ZRANB3: variants seen among roughly 807,000 people sequenced by gnomAD.
ZRANB3 encodes DNA annealing helicase and endonuclease ZRANB3.
Under a neutral mutation model 133.8 loss-of-function variants are expected in ZRANB3, and 125 were observed. The ratio of observed to expected loss-of-function variants is 0.93; its 90% CI spans 0.81 to 1.08. The LOEUF (loss-of-function observed/expected upper bound fraction) is 1.08. Ranked by LOEUF, ZRANB3 falls within the 50% of genes least tolerant of loss-of-function variation. The pLI, the probability that ZRANB3 is intolerant of heterozygous loss-of-function variation, is 0.00. For missense variants in ZRANB3, 1,229 were observed against 1,275.5 expected (o/e 0.96, Z 0.56); for synonymous variants, 387 against 432.7 (o/e 0.89, Z 1.31).
At chr2:135,483,199 C>T (rs7577361) in intron 2 of ZRANB3, among the ~76,000 whole-genome samples, 39,111 of 150,252 alleles carry the variant, frequency 0.26, 8,525 homozygotes, top group African/African-American at 0.59. Context: ...ATGGTACCAG[C>T]TCCTCCTTGT....
At position 135,243,486 on chromosome 2, in the gene ZRANB3, G is replaced by C. The variant is rs1343019400; in HGVS notation, c.1540-12559C>G. ...CCACTGCACTCCAGCCTGGGCAAGAGAGTGAGACTCCTTCTAAAAAAAATA... is the reference window on the plus strand; with the variant it reads ...CCACTGCACTCCAGCCTGGGCAAGACAGTGAGACTCCTTCTAAAAAAAATA... On this transcript the variant is annotated intron_variant, in intron 12 of 20. Coordinates refer to ENST00000264159, the MANE Select transcript of ZRANB3 (RefSeq NM_032143.4). Among the ~76,000 whole-genome samples, 10 of 152,332 alleles carry C rather than the reference G, an allele frequency of 6.6e-5. No homozygotes were observed. The East Asian group carries it at 1.5e-3, about 23-fold the overall frequency.
chr2:135,511,829 A>C, intron 1 of ZRANB3: 2 of 761,788 alleles, frequency 2.6e-6, no homozygotes, highest in Admixed American at 3.4e-5. Context: ...TGGACATAAG[A>C]AGAGTTCCTT....
intron 2 of ZRANB3, among the ~76,000 whole-genome samples, chr2:135,480,085 C>T (rs1056630883): frequency 6.6e-6 from 1 of 150,916 alleles, no homozygotes; most frequent in African/African-American, 2.4e-5. Flanking sequence ...AGGCGCCCGC[C>T]ACCATGTCAG....
At chr2:135,237,126 C>T (rs1199833835) in intron 12 of ZRANB3, among the ~76,000 whole-genome samples, 20 of 152,198 alleles carry the variant, frequency 1.3e-4, no homozygotes, top group African/African-American at 4.1e-4. Context: ...GACAAGTGGG[C>T]GAAGGATATG....
At chr2:135,212,886 T>G (rs555582903) in intron 17 of ZRANB3, among the ~76,000 whole-genome samples, 1 of 152,298 alleles carries the variant, frequency 6.6e-6, no homozygotes, top group African/African-American at 2.4e-5. Context: ...ATCCTAAACA[T>G]GACAGGGCTC....
Position 135,315,407 on chromosome 2 carries a change from A to G in ZRANB3, c.801T>C (p.Pro267=), listed in dbSNP as rs892949582. The stretch of plus-strand genomic sequence containing the variant: ...CAAATGGAATACGCTGTCTGACTTT[A>G]GGGGGTAGCTGGGTTAAAACTTCAG... ...LKTEVLTQLP[P]KVRQRIPFDL... is the part of the protein sequence containing the mutation. Residue 267 remains proline (P), a synonymous_variant, in exon 7 of 21, where the codon CCT becomes CCC. Coordinates refer to ENST00000264159, the MANE Select transcript of ZRANB3 (RefSeq NM_032143.4). 2.5e-6 allele frequency: 4 copies of G among 1,605,086 alleles called. No homozygotes were observed. The highest frequency in any genetic ancestry group is 3.4e-6 in the Non-Finnish European group (4 of 1,176,738).
chr2:135,328,390 A>T (rs559231649), intron 6 of ZRANB3, among the ~76,000 whole-genome samples: 3 of 152,042 alleles, frequency 2.0e-5, no homozygotes, highest in Non-Finnish European at 2.9e-5. Flanking sequence ...AAGGACATGA[A>T]CTCATCCTTT....
chr2:135,499,289 A>C (rs1171979582), intron 2 of ZRANB3, among the ~76,000 whole-genome samples: 3 of 152,232 alleles, frequency 2.0e-5, no homozygotes. Flanking sequence ...AAAGATTTTT[A>C]AAATTTGATG....
At chr2:135,346,581 A>G (rs1358619574) in intron 5 of ZRANB3, among the ~76,000 whole-genome samples, 2 of 152,012 alleles carry the variant, frequency 1.3e-5, no homozygotes, top group Non-Finnish European at 2.9e-5. Context: ...GTGATGTAGG[A>G]TTATATTTAG....
chr2:135,309,261 G>C (rs896976416), intron 8 of ZRANB3, among the ~76,000 whole-genome samples: 1 of 152,138 alleles, frequency 6.6e-6, no homozygotes. Context: ...GATTACAGGT[G>C]TGAGCCACCG....
intron 19 of ZRANB3, among the ~76,000 whole-genome samples, 200 bp from the exon 20 acceptor site, chr2:135,203,163 GT>G (rs1185994849): frequency 3.3e-5 from 5 of 151,986 alleles, no homozygotes; most frequent in Non-Finnish European, 5.9e-5. Context: ...TTTCTGAAAG[GT>G]TTTTTTCTCC....
chr2:135,440,983 T>C (rs1041381904), intron 2 of ZRANB3, among the ~76,000 whole-genome samples: 4 of 152,060 alleles, frequency 2.6e-5, no homozygotes, highest in African/African-American at 4.8e-5. Context: ...ACAGAGACCT[T>C]TGGGACAATG....
chr2:135,294,859 A>G (rs1045634789), intron 8 of ZRANB3, among the ~76,000 whole-genome samples: 2 of 151,912 alleles, frequency 1.3e-5, no homozygotes, highest in African/African-American at 4.8e-5. Flanking sequence ...TATGTACCCA[A>G]TACTCATTCA....
chr2:135,243,726 C>T (rs1276250047), intron 12 of ZRANB3, among the ~76,000 whole-genome samples: 1 of 152,042 alleles, frequency 6.6e-6, no homozygotes, highest in Non-Finnish European at 1.5e-5. Flanking sequence ...TCAAGAGATG[C>T]TCTTGCCTCA....
rs753002480 is a variant in ZRANB3, at chr2:135,230,831, G to A, written c.1636C>T (p.Arg546Trp). 4.4e-5 allele frequency: 71 copies of A among 1,612,584 alleles called. No homozygotes were observed. The highest frequency in any genetic ancestry group is 1.1e-4 in the East Asian group (5 of 44,820). ...GATGACACTACAGTATTTTCCTCCCGGAATCTCTTTGATTCGTCACAGGAG... is the reference window on the plus strand; with the variant it reads ...GATGACACTACAGTATTTTCCTCCCAGAATCTCTTTGATTCGTCACAGGAG... Reference protein sequence around the residue: ...MTSCDESKRFREENTVVSSDP... With the variant: ...MTSCDESKRFWEENTVVSSDP... Residue 546 changes from arginine (R) to tryptophan (W), a missense_variant, in exon 13 of 21, where the codon CGG (arginine) becomes TGG (tryptophan). Coordinates refer to ENST00000264159, the MANE Select transcript of ZRANB3 (RefSeq NM_032143.4).
chr2:135,249,720 T>C (rs975560845), intron 12 of ZRANB3, among the ~76,000 whole-genome samples: 6 of 152,216 alleles, frequency 3.9e-5, no homozygotes, highest in Admixed American at 1.3e-4. Context: ...CCGCTTTTGC[T>C]TCCTTCTCAT....
chr2:135,275,251 G>T (rs1396663694), intron 9 of ZRANB3, among the ~76,000 whole-genome samples: 5 of 151,916 alleles, frequency 3.3e-5, no homozygotes, highest in Admixed American at 2.6e-4. Context: ...CCGGGCGGGG[G>T]CTGCCCCCCA....
At chr2:135,518,939 G>C (rs886864183) in intron 1 of ZRANB3, among the ~76,000 whole-genome samples, 1 of 152,276 alleles carries the variant, frequency 6.6e-6, no homozygotes, top group East Asian at 1.9e-4. Flanking sequence ...TAGGGTTCAG[G>C]AGGGAGAATT....
chr2:135,499,366 C>T (rs1408378345), intron 2 of ZRANB3, among the ~76,000 whole-genome samples: 1 of 152,092 alleles, frequency 6.6e-6, no homozygotes, highest in East Asian at 1.9e-4. Flanking sequence ...AATTGAGAAT[C>T]TCTGCTTATC....
Sources: allele counts gnomAD v4.1 joint callset (sites outside exome capture counted in the v4.1 genomes callset), GRCh38; gene constraint gnomAD v4.1.1; transcripts MANE v1.5; gene names NCBI Gene and HGNC (gene_info 2026-07-23, HGNC 2026-07-21).